The following COL3A1 variants were observed in gnomAD, a reference collection of about 807,000 sequenced individuals.
The protein encoded by COL3A1 is collagen type III alpha 1 chain, also known as collagen alpha-1(III) chain.
In COL3A1, 46 loss-of-function variants were observed where a neutral mutation model predicts 200.9. That is an observed-to-expected ratio of 0.23 (90% CI 0.18 to 0.29). COL3A1 has a LOEUF of 0.29. Ranked by LOEUF, COL3A1 falls within the 10% of genes least tolerant of loss-of-function variation. COL3A1 has a pLI of 1.00. For missense variants in COL3A1, 1,367 were observed against 1,917.6 expected, an observed-to-expected ratio of 0.71 and a Z score of 5.36; for synonymous variants, 650 against 628.0, an observed-to-expected ratio of 1.03 and a Z score of -0.52.
chr2:188,991,841 T>G, intron 13 of COL3A1, 119 bp downstream of exon 13: 2 of 958,762 alleles, frequency 2.1e-6, no homozygotes, highest in East Asian at 4.8e-5. Context: ...AAAATTATAC[T>G]CAATGATACT....
intron 1 of COL3A1, among the ~76,000 whole-genome samples, chr2:188,979,916 T>A (rs1279151266): frequency 6.6e-6 from 1 of 151,692 alleles, no homozygotes; most frequent in East Asian, 1.9e-4. Flanking sequence ...CAGTTAAGAT[T>A]CCTCATCTGT....
In COL3A1 at chr2:188,999,824, T is replaced by A. The variant is rs1220594341; in HGVS notation, c.2230-18T>A. Reference sequence around the variant, plus strand: ...TGAAGATACTTTGAATCTGATGACATTGGCTTTTATTTGACAGGGTGAACC... The same window carrying A: ...TGAAGATACTTTGAATCTGATGACAATGGCTTTTATTTGACAGGGTGAACC... On this transcript the variant is annotated intron_variant, in intron 31 of 50. Coordinates refer to ENST00000304636, the MANE Select transcript of COL3A1 (RefSeq NM_000090.4). 2.5e-6 allele frequency: 4 copies of A among 1,590,386 alleles called. No homozygotes were observed. Among genetic ancestry groups the A allele is most frequent in the Non-Finnish European group, 3.4e-6 (4 of 1,169,150 alleles).
chr2:188,990,489 G>A (rs1446322420), intron 10 of COL3A1, 129 bp downstream of exon 10: 20 of 858,568 alleles, frequency 2.3e-5, no homozygotes, highest in Non-Finnish European at 3.8e-5. Flanking sequence ...ATATTTTTAA[G>A]TCTACTAAGT....
Position 189,008,103 on chromosome 2 carries a change from A to G in COL3A1, c.3486A>G (p.Pro1162=). ...GTSGHPGPIG[P]PGPRGNRGER... ...GTGGACATCCAGGTCCCATTGGACC[A>G]CCAGGGCCTCGAGGTAACAGAGGTG... The change falls in exon 47 of 51, where the codon CCA becomes CCG. Residue 1162 remains proline (P), a synonymous_variant. Coordinates refer to ENST00000304636, the MANE Select transcript of COL3A1 (RefSeq NM_000090.4). The G allele has an allele frequency of 6.2e-7, 1 of 1,613,932 alleles. No individual in the cohort carries two copies. The highest frequency in any genetic ancestry group is 8.5e-7 in the Non-Finnish European group (1 of 1,179,896).
At chr2:189,000,730 G>A (rs376347087) in intron 32 of COL3A1, among the ~76,000 whole-genome samples, 2 of 152,084 alleles carry the variant, frequency 1.3e-5, no homozygotes, top group Admixed American at 1.3e-4. Context: ...ATTAGGGGAC[G>A]CTGGGAGAAA....
intron 44 of COL3A1, 24 bp downstream of exon 44, chr2:189,007,014 T>C (rs755229815): frequency 6.2e-7 from 1 of 1,604,878 alleles, no homozygotes; most frequent in Non-Finnish European, 8.5e-7. Context: ...TTTTTTGGTT[T>C]TATTTTGTTT....
chr2:189,002,935 G>T lies in COL3A1; in HGVS notation c.2446-20G>T. ...CATAAAGAGTGTCAGCTGAGAGATT[G>T]CTGTTGTTGTTGCATGTAGGGACAG... is the stretch of plus-strand genomic sequence containing the variant. On this transcript the variant is annotated intron_variant, in intron 35 of 50. Coordinates refer to ENST00000304636, the MANE Select transcript of COL3A1 (RefSeq NM_000090.4). 1 of 1,493,508 alleles carries T rather than the reference G, an allele frequency of 6.7e-7. No individual in the cohort carries two copies. Among genetic ancestry groups the T allele is most frequent in the South Asian group, 1.2e-5 (1 of 82,896 alleles). The allele number at this position is 1,493,508 out of a possible 1,614,324, so 92.5% of individuals were successfully genotyped here.
chr2:189,007,386 G>A (rs1235157197), intron 44 of COL3A1, 114 bp from the exon 45 acceptor site: 1 of 824,640 alleles, frequency 1.2e-6, no homozygotes, highest in Non-Finnish European at 1.9e-6. Flanking sequence ...CTGTTGATGG[G>A]GGATTTTTTA....
chr2:188,999,174 A>G, intron 29 of COL3A1, 111 bp from the exon 30 acceptor site: 1 of 1,024,520 alleles, frequency 9.8e-7, no homozygotes, highest in Non-Finnish European at 1.5e-6. Context: ...AAATTTCTAG[A>G]TTGTTCACAA....
Position 188,994,692 on chromosome 2 carries a change from T to G in COL3A1, c.1348-32T>G, listed in dbSNP as rs1385609734. 1.2e-6 allele frequency: 2 copies of G among 1,611,878 alleles called. No individual in the cohort carries two copies. The highest frequency in any genetic ancestry group is 2.7e-5 in the African/African-American group (2 of 74,792). On this transcript the variant is annotated intron_variant, in intron 19 of 50. Transcript: ENST00000304636. This position sits in a 1 kb window ranked among gnomAD's most constrained non-coding sequence, Gnocchi z 4.5. ...ACTTTGAACTAAATTCAGTCATAAT[T>G]TCTTTATTTTACCATCTTTTTTTTT... is the stretch of plus-strand genomic sequence containing the variant.
chr2:188,999,233 T>G (rs1688396986), intron 29 of COL3A1, 52 bp from the exon 30 acceptor site: 2 of 1,500,844 alleles, frequency 1.3e-6, no homozygotes, highest in Admixed American at 3.9e-5. Flanking sequence ...TAAGGTGCTT[T>G]GTTTTTAGCT....
rs768963405 is a variant in COL3A1, at chr2:189,003,074, C to T, written c.2553+12C>T. On this transcript the variant is annotated intron_variant, in intron 36 of 50. Transcript: ENST00000304636. ...GTTCTGGACCTGCTGTAAGTTCCTT[C>T]CTCTTTCTCTGTCTATCTATCTATC... 1.3e-6 allele frequency: 2 copies of T among 1,530,560 alleles called. No homozygotes were observed. The highest frequency in any genetic ancestry group is 2.4e-5 in the South Asian group (2 of 83,578). 94.8% of individuals were successfully genotyped at this position (1,530,560 alleles called of 1,614,324 possible).
chr2:188,996,910 A>AC (rs1688334995), intron 24 of COL3A1, among the ~76,000 whole-genome samples: 1 of 151,862 alleles, frequency 6.6e-6, no homozygotes, highest in Admixed American at 6.6e-5. Context: ...AATCACTAGA[A>AC]CCCGGGGGGC....
At chr2:188,996,364 T>G (rs781456515) in intron 23 of COL3A1, 34 bp from the exon 24 acceptor site, 2 of 1,554,856 alleles carry the variant, frequency 1.3e-6, no homozygotes, top group Non-Finnish European at 1.8e-6. Context: ...CTTCTCTTTA[T>G]CAAACCTTTA....
rs1407480075 is a variant in COL3A1 at position 188,993,852 on chromosome 2, C to A, written c.1150-186C>A. ...AATTTATACGAAGTACATATTATCT[C>A]TAATTTATTTAGATAATGATGATTC... On this transcript the variant is annotated intron_variant, in intron 16 of 50. Transcript: ENST00000304636. Among the ~76,000 whole-genome samples the A allele has an allele frequency of 2.6e-5, 4 of 152,124 alleles. No homozygotes were observed. In the East Asian group the frequency reaches 7.7e-4, roughly 29 times the overall value.
At chr2:188,995,987 C>G (rs1478935604) in intron 22 of COL3A1, 138 bp from the exon 23 acceptor site, 11 of 959,554 alleles carry the variant, frequency 1.1e-5, no homozygotes, top group Non-Finnish European at 1.6e-5. Flanking sequence ...GCCTTAGATA[C>G]TTTATAGACA....
intron 38 of COL3A1, 69 bp from the exon 39 acceptor site, chr2:189,003,909 GAAGT>G: frequency 1.3e-6 from 2 of 1,571,498 alleles, no homozygotes; most frequent in Non-Finnish European, 8.7e-7. Flanking sequence ...AAAATTATTT[GAAGT>G]AAGTAAAAAA....
At chr2:189,003,629 T>C (rs1688520362) in intron 37 of COL3A1, 105 bp from the exon 38 acceptor site, 1 of 1,387,798 alleles carries the variant, frequency 7.2e-7, no homozygotes, top group African/African-American at 1.4e-5. Context: ...AAACCATAAA[T>C]GACTTTCAGG....
intron 45 of COL3A1, 22 bp downstream of exon 45, chr2:189,007,629 G>A (rs768329952): frequency 1.3e-6 from 2 of 1,583,184 alleles, no homozygotes; most frequent in South Asian, 2.3e-5. Context: ...CATTTTGTTG[G>A]AAAATCCCTT....
Sources: allele counts gnomAD v4.1 joint callset (sites outside exome capture counted in the v4.1 genomes callset), GRCh38; gene constraint gnomAD v4.1.1; non-coding constraint Gnocchi (gnomAD v3.1); transcripts MANE v1.5; gene names NCBI Gene and HGNC (gene_info 2026-07-23, HGNC 2026-07-21).